Variants in SLC24A2 observed in about 807,000 individuals in gnomAD.
SLC24A2 encodes the protein solute carrier family 24 member 2, also known as sodium/potassium/calcium exchanger 2.
SLC24A2 carries 36 observed loss-of-function variants against 62.0 expected under a neutral mutation model. The ratio of observed to expected loss-of-function variants is 0.58; its 90% CI spans 0.44 to 0.77. The LOEUF (loss-of-function observed/expected upper bound fraction) is 0.77, where lower values mean the gene tolerates loss of function less well. Ranked by LOEUF, SLC24A2 falls within the 30% of genes least tolerant of loss-of-function variation. The probability of loss-of-function intolerance (pLI) is 0.00; values close to 1 mark genes in which losing one functional copy is unlikely to be tolerated. For missense variants in SLC24A2, 846 were observed against 817.9 expected (o/e 1.03, Z -0.42); for synonymous variants, 358 against 294.0 (o/e 1.22, Z -2.23).
chr9:20,022,612 G>A, the SLC24A2 span, among the ~76,000 whole-genome samples: 6 of 152,192 alleles, frequency 3.9e-5, no homozygotes, highest in African/African-American at 1.4e-4. Flanking sequence ...ATGGAATCAT[G>A]ATGACTAAGT....
At chr9:19,939,087 A>G in the SLC24A2 span, among the ~76,000 whole-genome samples, 1 of 152,224 alleles carries the variant, frequency 6.6e-6, no homozygotes, top group Admixed American at 6.5e-5. Flanking sequence ...TATGTAGGTG[A>G]TATCTGTCTT....
chr9:19,590,832 A>ACC (rs887452348), intron 5 of SLC24A2, among the ~76,000 whole-genome samples: 1 of 151,354 alleles, frequency 6.6e-6, no homozygotes, highest in Non-Finnish European at 1.5e-5. Flanking sequence ...AAGTCAAAAA[A>ACC]CCCCCAATTT....
chr9:20,106,938 A>T, the SLC24A2 span, among the ~76,000 whole-genome samples: 1 of 152,240 alleles, frequency 6.6e-6, no homozygotes, highest in Non-Finnish European at 1.5e-5. Context: ...ATGATTGTGT[A>T]TCTAGAAAAC....
At chr9:19,528,782 C>T (rs370561389) in intron 8 of SLC24A2, among the ~76,000 whole-genome samples, 6 of 152,252 alleles carry the variant, frequency 3.9e-5, no homozygotes, top group African/African-American at 4.8e-5. Flanking sequence ...GAGGCAGAAG[C>T]GCCCAATTGT....
At chr9:19,662,677 A>G (rs367596747) in intron 2 of SLC24A2, among the ~76,000 whole-genome samples, 3 of 152,248 alleles carry the variant, frequency 2.0e-5, no homozygotes, top group South Asian at 2.1e-4. Context: ...ATCTTGGTGC[A>G]TGTTGTTACC....
At chr9:19,907,572 A>C in the SLC24A2 span, among the ~76,000 whole-genome samples, 1 of 152,218 alleles carries the variant, frequency 6.6e-6, no homozygotes, top group East Asian at 1.9e-4. Context: ...GTATATCTAG[A>C]AAACCCCATC....
chr9:19,888,804 C>A, the SLC24A2 span, among the ~76,000 whole-genome samples: 3 of 152,076 alleles, frequency 2.0e-5, no homozygotes, highest in South Asian at 6.2e-4. Context: ...GGAAGAAATG[C>A]CAAATGCCCT....
the SLC24A2 span, among the ~76,000 whole-genome samples, chr9:20,266,776 C>G: frequency 6.6e-6 from 1 of 152,172 alleles, no homozygotes; most frequent in Non-Finnish European, 1.5e-5. Flanking sequence ...CTGAGCAGTA[C>G]TGTAATTAAA....
the SLC24A2 span, among the ~76,000 whole-genome samples, chr9:20,265,983 C>G: frequency 5.9e-5 from 9 of 152,186 alleles, no homozygotes; most frequent in Non-Finnish European, 1.2e-4. Flanking sequence ...AAATTCCCAC[C>G]TAATAAATTT....
chr9:19,728,248 A>G (rs1268907493), intron 2 of SLC24A2, among the ~76,000 whole-genome samples: 2 of 151,596 alleles, frequency 1.3e-5, no homozygotes, highest in Non-Finnish European at 2.9e-5. Flanking sequence ...AGAAAGGCAG[A>G]TGGTCTCACT....
chr9:19,852,096 T>C, the SLC24A2 span, among the ~76,000 whole-genome samples: 130 of 152,252 alleles, frequency 8.5e-4, 8 homozygotes, highest in Non-Finnish European at 4.4e-5. Flanking sequence ...GTTGAGCTTT[T>C]TTTCATATGT....
the SLC24A2 span, among the ~76,000 whole-genome samples, chr9:20,213,855 C>T: frequency 2.6e-5 from 4 of 152,036 alleles, no homozygotes; most frequent in African/African-American, 7.2e-5. Context: ...ATCTATTATC[C>T]CTGACATACA....
chr9:19,828,784 G>T, the SLC24A2 span, among the ~76,000 whole-genome samples: 1 of 152,188 alleles, frequency 6.6e-6, no homozygotes, highest in Admixed American at 6.5e-5. Context: ...GGGAGGAGAT[G>T]TTGGCAAGTC....
At chr9:19,746,258 ATTATT>A (rs1821830758) in intron 2 of SLC24A2, among the ~76,000 whole-genome samples, 2 of 152,100 alleles carry the variant, frequency 1.3e-5, no homozygotes, top group Admixed American at 6.6e-5. Context: ...AATTTAAATA[ATTATT>A]TTATTTATCT....
At chr9:19,822,005 C>T in the SLC24A2 span, among the ~76,000 whole-genome samples, 1 of 152,096 alleles carries the variant, frequency 6.6e-6, no homozygotes, top group Non-Finnish European at 1.5e-5. Flanking sequence ...GTGTGCAAGA[C>T]ATTTAATGGT....
chr9:19,966,783 C>G, the SLC24A2 span, among the ~76,000 whole-genome samples: 4 of 152,082 alleles, frequency 2.6e-5, no homozygotes, highest in African/African-American at 9.7e-5. Context: ...TAGTGGAATG[C>G]GAATGCAATT....
the SLC24A2 span, among the ~76,000 whole-genome samples, chr9:19,891,006 C>G: frequency 6.6e-6 from 1 of 152,218 alleles, no homozygotes; most frequent in African/African-American, 2.4e-5. Context: ...CTGATCATCT[C>G]CTACCCTAAT....
chr9:19,613,879 T>C (rs1398188326), intron 4 of SLC24A2, among the ~76,000 whole-genome samples: 1 of 152,188 alleles, frequency 6.6e-6, no homozygotes, highest in Non-Finnish European at 1.5e-5. Context: ...TTGTGTCACC[T>C]TGCCTTAGTG....
At chr9:20,064,771 G>A in the SLC24A2 span, among the ~76,000 whole-genome samples, 2 of 152,188 alleles carry the variant, frequency 1.3e-5, no homozygotes, top group South Asian at 2.1e-4. Flanking sequence ...ATCAGGAAGA[G>A]CCAGGAGATT....
Sources: allele counts gnomAD v4.1 joint callset (sites outside exome capture counted in the v4.1 genomes callset), GRCh38; gene constraint gnomAD v4.1.1; transcripts MANE v1.5; gene names NCBI Gene and HGNC (gene_info 2026-07-23, HGNC 2026-07-21).